Variants in MEGF11 observed in about 807,000 individuals in gnomAD.
MEGF11 encodes multiple epidermal growth factor-like domains protein 11.
MEGF11 carries 126 observed loss-of-function variants against 146.6 expected under a neutral mutation model. That is an observed-to-expected ratio of 0.86 (90% CI 0.74 to 1.00). MEGF11 has a LOEUF of 1.00. Ranked by LOEUF, MEGF11 falls within the 50% of genes least tolerant of loss-of-function variation. The pLI is 0.00. For synonymous variants in MEGF11, 532 were observed against 583.4 expected (o/e 0.91, Z 1.27); for missense variants, 1,509 against 1,521.2 (o/e 0.99, Z 0.13).
chr15:66,003,863 A>G (rs1334782385), intron 5 of MEGF11, among the ~76,000 whole-genome samples: 1 of 152,050 alleles, frequency 6.6e-6, no homozygotes, highest in East Asian at 1.9e-4. Context: ...AACTTCACCA[A>G]AGCTACTCCT....
intron 1 of MEGF11, among the ~76,000 whole-genome samples, chr15:66,215,475 CTGCA>C (rs1306367400): frequency 6.6e-6 from 1 of 152,156 alleles, no homozygotes; most frequent in Non-Finnish European, 1.5e-5. Flanking sequence ...TCAAGCAGAG[CTGCA>C]TAGATCACAT....
chr15:66,198,711 C>G (rs112163672), intron 1 of MEGF11, among the ~76,000 whole-genome samples: 6,774 of 152,194 alleles, frequency 0.045, 213 homozygotes, highest in African/African-American at 0.081. Flanking sequence ...GTCTCAAACT[C>G]CTGACCTCAA....
chr15:65,932,086 T>TAAGGGATAAGGGAGGCGGTCGAGGC (rs2079599118), intron 10 of MEGF11, among the ~76,000 whole-genome samples: 1 of 152,124 alleles, frequency 6.6e-6, no homozygotes, highest in African/African-American at 2.4e-5. Flanking sequence ...ATAATCCCGA[T>TAAGGGATAAGGGAGGCGGTCGAGGC]AAGGGATAAG....
chr15:66,151,964 G>A (rs2089586104), intron 1 of MEGF11, among the ~76,000 whole-genome samples: 1 of 152,244 alleles, frequency 6.6e-6, no homozygotes. Flanking sequence ...CCATGGGGCG[G>A]GGGGCAGGGT....
intron 5 of MEGF11, among the ~76,000 whole-genome samples, chr15:66,052,384 G>A (rs2084486758): frequency 6.6e-6 from 1 of 152,158 alleles, no homozygotes; most frequent in Non-Finnish European, 1.5e-5. Flanking sequence ...CCACAGAAGG[G>A]ATGCCTGGGT....
At chr15:66,040,040 C>T (rs1020557155) in intron 5 of MEGF11, among the ~76,000 whole-genome samples, 3 of 152,072 alleles carry the variant, frequency 2.0e-5, no homozygotes, top group African/African-American at 4.8e-5. Flanking sequence ...ATCCCTACCT[C>T]GTAGCAAGTG....
At position 65,909,071 on chromosome 15, in the gene MEGF11, A is replaced by G. The variant is rs1475223959; in HGVS notation, c.2961T>C (p.Leu987=). 5.9e-6 allele frequency: 9 copies of G among 1,535,786 alleles called. No homozygotes were observed. Among genetic ancestry groups the G allele is most frequent in the Middle Eastern group, 1.7e-4 (1 of 5,984 alleles). ...RYPPEDFYIE[L]RHLSRPAEPH... Reference sequence around the variant, plus strand: ...GCTCAGCGGGGCGGCTGAGGTGTCTAAGTTCAATGTAGAAGTCCTCGGGCG... The same window carrying G: ...GCTCAGCGGGGCGGCTGAGGTGTCTGAGTTCAATGTAGAAGTCCTCGGGCG... Residue 987 remains leucine (L), a synonymous_variant, in exon 23 of 26, where the codon CTT becomes CTC. Transcript: ENST00000395614.
At chr15:66,007,396 G>C (rs2082551553) in intron 5 of MEGF11, among the ~76,000 whole-genome samples, 1 of 152,072 alleles carries the variant, frequency 6.6e-6, no homozygotes, top group Non-Finnish European at 1.5e-5. Context: ...GGTTCTCCTT[G>C]TCAGGGAAAA....
intron 5 of MEGF11, among the ~76,000 whole-genome samples, chr15:66,059,661 G>A (rs1282112350): frequency 6.6e-6 from 1 of 151,552 alleles, no homozygotes; most frequent in Non-Finnish European, 1.5e-5. Context: ...GAACTGTGCT[G>A]GCTGAGGAGT....
In MEGF11 at chr15:66,202,087, G is replaced by A. The variant is rs184594127; in HGVS notation, c.-9+51518C>T. The stretch of plus-strand genomic sequence containing the variant: ...ATGGCAGATGGGGGGCTGAAGCCAT[G>A]GTAAGTGCTGAGACCCCCAATGTAC... On this transcript the variant is annotated intron_variant, in intron 1 of 25. Coordinates refer to ENST00000395614, the MANE Select transcript of MEGF11 (RefSeq NM_001385028.1). Among the ~76,000 whole-genome samples, 369 of 151,982 alleles carry A rather than the reference G, an allele frequency of 2.4e-3. 3 individuals carry two copies. Among genetic ancestry groups the A allele is most frequent in the East Asian group, 0.015 (80 of 5,182 alleles).
At chr15:66,167,124 C>T (rs1458070572) in intron 1 of MEGF11, among the ~76,000 whole-genome samples, 4 of 152,106 alleles carry the variant, frequency 2.6e-5, no homozygotes, top group African/African-American at 4.8e-5. Context: ...GGCAGAGCCA[C>T]CATGGAGCTG....
chr15:66,001,226 C>T (rs950049377), intron 5 of MEGF11, among the ~76,000 whole-genome samples: 1 of 152,124 alleles, frequency 6.6e-6, no homozygotes, highest in African/African-American at 2.4e-5. Flanking sequence ...TCCCCCCACA[C>T]ATCCACACGC....
chr15:65,947,724 C>T lies in MEGF11; in HGVS notation c.1287+9823G>A, dbSNP rs1197549131. Among the ~76,000 whole-genome samples, 3 of 152,302 alleles carry T rather than the reference C, an allele frequency of 2.0e-5. No homozygotes were observed. In the East Asian group the frequency reaches 5.8e-4, roughly 29 times the overall value. ...GGTTCTGGCTAGGACTGGGAGCCAG[C>T]AGAAGCCCCATCTATGCTGAAGACT... is the stretch of plus-strand genomic sequence containing the variant. On this transcript the variant is annotated intron_variant, in intron 10 of 25. Coordinates refer to ENST00000395614, the MANE Select transcript of MEGF11 (RefSeq NM_001385028.1).
chr15:65,909,987 C>T (rs1364709497), intron 21 of MEGF11, 181 bp from the exon 22 acceptor site: 2 of 699,418 alleles, frequency 2.9e-6, no homozygotes, highest in African/African-American at 3.5e-5. Context: ...GTGGTTGATG[C>T]TAGTGGGAAT....
intron 15 of MEGF11, among the ~76,000 whole-genome samples, chr15:65,918,972 G>A (rs774526999): frequency 1.3e-5 from 2 of 152,112 alleles, no homozygotes; most frequent in Non-Finnish European, 2.9e-5. Context: ...ATTCCCCATC[G>A]CCACAAAATA....
intron 5 of MEGF11, among the ~76,000 whole-genome samples, chr15:65,997,290 G>A (rs1226319700): frequency 6.6e-6 from 1 of 152,196 alleles, no homozygotes; most frequent in Non-Finnish European, 1.5e-5. Context: ...GCCAAGGAAC[G>A]ACACTTCTGC....
intron 4 of MEGF11, among the ~76,000 whole-genome samples, chr15:66,107,106 C>T (rs953711380): frequency 2.6e-5 from 4 of 151,608 alleles, no homozygotes; most frequent in African/African-American, 4.9e-5. Flanking sequence ...GTGCCTGCAA[C>T]GAGGGACCCT....
chr15:66,123,879 C>T lies in MEGF11; in HGVS notation c.200+20G>A, dbSNP rs765630804. 4.4e-6 allele frequency: 7 copies of T among 1,600,674 alleles called. No homozygotes were observed. The highest frequency in any genetic ancestry group is 6.0e-6 in the Non-Finnish European group (7 of 1,167,794). Reference sequence around the variant, plus strand: ...GCCCAGTGCCTTTTCCCTGCCCCATCATCTGAGAGAGGTACTCACCGGTGC... The same window carrying T: ...GCCCAGTGCCTTTTCCCTGCCCCATTATCTGAGAGAGGTACTCACCGGTGC... On this transcript the variant is annotated intron_variant, in intron 3 of 25. Coordinates refer to ENST00000395614, the MANE Select transcript of MEGF11 (RefSeq NM_001385028.1).
chr15:66,185,662 G>A (rs1239722487), intron 1 of MEGF11, among the ~76,000 whole-genome samples: 1 of 152,194 alleles, frequency 6.6e-6, no homozygotes, highest in Non-Finnish European at 1.5e-5. Context: ...AAAGTGTGGG[G>A]AGGTGGTAGG....
Sources: gnomAD v4.1 joint callset for allele counts (sites outside exome capture counted in the v4.1 genomes callset) on GRCh38, gnomAD v4.1.1 for gene constraint, MANE v1.5 for transcripts, NCBI Gene and HGNC (gene_info 2026-07-23, HGNC 2026-07-21) for gene names.